The following NCKAP5 variants were observed in gnomAD, a reference collection of about 807,000 sequenced individuals.
NCKAP5 encodes the protein nck-associated protein 5.
In NCKAP5, 92 loss-of-function variants were observed where a neutral mutation model predicts 167.0. The ratio of observed to expected loss-of-function variants is 0.55; its 90% confidence interval spans 0.47 to 0.66. The LOEUF (loss-of-function observed/expected upper bound fraction) is 0.66. NCKAP5 is among the 30% of genes least tolerant of loss of function. The probability of loss-of-function intolerance (pLI) is 0.00; values close to 1 mark genes in which losing one functional copy is unlikely to be tolerated. For synonymous variants in NCKAP5, 891 were observed against 877.4 expected (o/e 1.02, Z -0.27); for missense variants, 2,378 against 2,315.0 (o/e 1.03, Z -0.56).
chr2:133,068,371 G>A (rs1427782430), intron 6 of NCKAP5, among the ~76,000 whole-genome samples: 1 of 152,196 alleles, frequency 6.6e-6, no homozygotes, highest in African/African-American at 2.4e-5. Context: ...GCCTTTGGAT[G>A]ATCAGCTGTT....
chr2:133,428,943 T>C (rs937512332), intron 3 of NCKAP5, among the ~76,000 whole-genome samples: 4 of 152,130 alleles, frequency 2.6e-5, no homozygotes, highest in African/African-American at 4.8e-5. Context: ...GTTCCTATAA[T>C]TTTTTTAGAA....
At chr2:133,468,454 G>A (rs1010800231) in intron 3 of NCKAP5, among the ~76,000 whole-genome samples, 2 of 151,018 alleles carry the variant, frequency 1.3e-5, no homozygotes, top group Non-Finnish European at 2.9e-5. Context: ...TTTGGAATAG[G>A]TGTGGTGTGG....
chr2:132,993,587 G>A (rs1443573054), intron 7 of NCKAP5, among the ~76,000 whole-genome samples: 2 of 152,160 alleles, frequency 1.3e-5, no homozygotes, highest in Non-Finnish European at 2.9e-5. Context: ...GCTCTTCCCT[G>A]TACTCTCAGT....
Position 132,790,119 on chromosome 2 carries a change from G to A in NCKAP5, c.996C>T (p.Tyr332=), listed in dbSNP as rs1683937741. The change falls in exon 13 of 20, where the codon TAC becomes TAT. Residue 332 remains tyrosine (Y), a synonymous_variant. Transcript: ENST00000409261. ...IPGHLCPRNS[Y]SSSSELSLSS... ...AAAGAGACAGTTCACTGCTGCTACT[G>A]TAGCTGTTTCGAGGACAGAGATGAC... The A allele has an allele frequency of 9.9e-6, 16 of 1,613,494 alleles. No homozygotes were observed. Among genetic ancestry groups the A allele is most frequent in the Non-Finnish European group, 1.4e-5 (16 of 1,179,742 alleles).
intron 3 of NCKAP5, among the ~76,000 whole-genome samples, chr2:133,402,084 AT>A (rs1559454988): frequency 7.2e-6 from 1 of 137,940 alleles, no homozygotes; most frequent in East Asian, 2.5e-4. Flanking sequence ...TCCTAAATTA[AT>A]AATCTCTGAG....
chr2:132,911,430 T>A (rs140856100), intron 8 of NCKAP5, among the ~76,000 whole-genome samples: 1 of 152,384 alleles, frequency 6.6e-6, no homozygotes, highest in East Asian at 1.9e-4. Flanking sequence ...TAGTTCATCA[T>A]TGACTTTTAT....
chr2:132,869,381 G>A (rs1339244905), intron 9 of NCKAP5, among the ~76,000 whole-genome samples: 2 of 152,096 alleles, frequency 1.3e-5, no homozygotes, highest in African/African-American at 4.8e-5. Flanking sequence ...TTCCTTTGCT[G>A]TCTATTTCAC....
At chr2:133,518,145 T>C (rs1479880194) in intron 2 of NCKAP5, among the ~76,000 whole-genome samples, 2 of 152,170 alleles carry the variant, frequency 1.3e-5, no homozygotes, top group African/African-American at 4.8e-5. Flanking sequence ...ATGTCATTAC[T>C]GTCAATGAGT....
chr2:132,872,251 G>A (rs1690882669), intron 9 of NCKAP5, among the ~76,000 whole-genome samples: 1 of 152,216 alleles, frequency 6.6e-6, no homozygotes, highest in Admixed American at 6.5e-5. Context: ...AGGGCTGCAG[G>A]TGAGACAGGA....
At chr2:132,908,257 C>T (rs1048881287) in intron 8 of NCKAP5, among the ~76,000 whole-genome samples, 1 of 152,036 alleles carries the variant, frequency 6.6e-6, no homozygotes, top group African/African-American at 2.4e-5. Flanking sequence ...AATTAAGTAG[C>T]TGTGGCCTGA....
chr2:133,155,467 T>C (rs1319357788), intron 5 of NCKAP5, among the ~76,000 whole-genome samples: 1 of 152,168 alleles, frequency 6.6e-6, no homozygotes, highest in Non-Finnish European at 1.5e-5. Flanking sequence ...CCACAGCTCT[T>C]TCCCTGGAAG....
At chr2:133,539,907 G>A (rs1346185242) in intron 2 of NCKAP5, among the ~76,000 whole-genome samples, 1 of 152,110 alleles carries the variant, frequency 6.6e-6, no homozygotes, top group African/African-American at 2.4e-5. Context: ...CAGGCTGGGC[G>A]CGGTGGCTCA....
At chr2:132,853,123 C>T (rs1689200626) in intron 11 of NCKAP5, among the ~76,000 whole-genome samples, 1 of 152,214 alleles carries the variant, frequency 6.6e-6, no homozygotes, top group African/African-American at 2.4e-5. Flanking sequence ...TTAAATTAAA[C>T]TGCCACCACT....
intron 6 of NCKAP5, among the ~76,000 whole-genome samples, chr2:133,093,619 A>C (rs1401081903): frequency 1.3e-5 from 2 of 152,176 alleles, no homozygotes; most frequent in Non-Finnish European, 2.9e-5. Flanking sequence ...CTCTAATAGA[A>C]ATGTTCTTTC....
chr2:133,445,055 T>C (rs1291573344), intron 3 of NCKAP5, among the ~76,000 whole-genome samples: 1 of 152,222 alleles, frequency 6.6e-6, no homozygotes, highest in Non-Finnish European at 1.5e-5. Context: ...AGTGATTTAC[T>C]TGGGAAAGGA....
chr2:133,547,473 T>A (rs1426623082), intron 2 of NCKAP5, among the ~76,000 whole-genome samples: 1 of 151,964 alleles, frequency 6.6e-6, no homozygotes, highest in Non-Finnish European at 1.5e-5. Flanking sequence ...GACTTAAGTG[T>A]CCCTGTCTGA....
At chr2:133,235,105 TG>T (rs1283928235) in intron 4 of NCKAP5, among the ~76,000 whole-genome samples, 1 of 151,706 alleles carries the variant, frequency 6.6e-6, no homozygotes, top group Non-Finnish European at 1.5e-5. Flanking sequence ...CTTCAAACTC[TG>T]GTGATAATAC....
chr2:133,135,297 G>C (rs538438492), intron 5 of NCKAP5, among the ~76,000 whole-genome samples: 8 of 152,202 alleles, frequency 5.3e-5, no homozygotes, highest in Non-Finnish European at 8.8e-5. Context: ...CAGGCAGAGG[G>C]AGAGGCAAGT....
upstream of NCKAP5, among the ~76,000 whole-genome samples, chr2:133,572,772 T>C (rs1161539716): frequency 6.6e-6 from 1 of 152,174 alleles, no homozygotes; most frequent in East Asian, 1.9e-4. Context: ...CACCTCAGCA[T>C]TCATCAAACA....
Sources: allele counts gnomAD v4.1 joint callset (sites outside exome capture counted in the v4.1 genomes callset), GRCh38; gene constraint gnomAD v4.1.1; transcripts MANE v1.5; gene names NCBI Gene and HGNC (gene_info 2026-07-23, HGNC 2026-07-21).